The following MUC5B variants were observed in gnomAD, a reference collection of about 807,000 sequenced individuals.
MUC5B encodes mucin-5B.
A neutral mutation model predicts 376.9 loss-of-function variants in MUC5B; 116 were observed. That is an observed-to-expected ratio of 0.31 (90% CI 0.26 to 0.36). The LOEUF is 0.36. Ranked by LOEUF, MUC5B falls within the 10% of genes least tolerant of loss-of-function variation. MUC5B has a pLI of 1.00. For missense variants in MUC5B, 7,165 were observed against 7,769.9 expected, an observed-to-expected ratio of 0.92 and a Z score of 2.93; for synonymous variants, 3,517 against 3,390.9, an observed-to-expected ratio of 1.04 and a Z score of -1.29.
In MUC5B at chr11:1,240,990, G is replaced by A; in HGVS notation, c.4110G>A (p.Gln1370=). Residue 1370 remains glutamine (Q), a synonymous_variant, in exon 31 of 49, where the codon CAG becomes CAA. Transcript: ENST00000529681. ...AAAACCTGAGGCAGAGAGGGTACCAGGTATGCCCTGTGCTGGCTGACATCG... is the reference window on the plus strand; with the variant it reads ...AAAACCTGAGGCAGAGAGGGTACCAAGTATGCCCTGTGCTGGCTGACATCG... The part of the protein sequence containing the change: ...TFENLRQRGY[Q]VCPVLADIEC... 3.1e-6 allele frequency: 5 copies of A among 1,613,392 alleles called. No individual in the cohort carries two copies. Among genetic ancestry groups the A allele is most frequent in the Non-Finnish European group, 3.4e-6 (4 of 1,179,848 alleles).
chr11:1,258,931 A>G lies in MUC5B; in HGVS notation c.16594-11A>G. ...CCAGTGCCCTCAGTGCCACCCTCCC[A>G]CCCCTTGCAGGTTGGTGCAACCTTC... On this transcript the variant is annotated splice_polypyrimidine_tract_variant and intron_variant, in intron 43 of 48. Transcript: ENST00000529681. The surrounding 1 kb of genome is among the most constrained non-coding windows in gnomAD (Gnocchi z 5.5). The G allele has an allele frequency of 6.5e-7, 1 of 1,549,860 alleles. No individual in the cohort carries two copies. The highest frequency in any genetic ancestry group is 8.7e-7 in the Non-Finnish European group (1 of 1,146,986).
Position 1,232,636 on chromosome 11 carries a change from C to T in MUC5B, c.1939-8C>T, listed in dbSNP as rs749902027. The T allele has an allele frequency of 6.2e-7, 1 of 1,600,800 alleles. No individual in the cohort carries two copies. Among genetic ancestry groups the T allele is most frequent in the Non-Finnish European group, 8.5e-7 (1 of 1,174,554 alleles). The stretch of plus-strand genomic sequence containing the variant: ...TCCCTGACGCCCCGATGCCTCCCAC[C>T]TCCGCAGAACTGCATGTTTGACACC... On this transcript the variant is annotated splice_polypyrimidine_tract_variant and splice_region_variant and intron_variant, in intron 16 of 48. Transcript: ENST00000529681.
Position 1,245,873 on chromosome 11 carries a change from C to T in MUC5B, c.8993C>T (p.Thr2998Ile), listed in dbSNP as rs1862442997. 4.3e-6 allele frequency: 7 copies of T among 1,613,518 alleles called. No individual in the cohort carries two copies. Among genetic ancestry groups the T allele is most frequent in the Non-Finnish European group, 5.9e-6 (7 of 1,179,810 alleles). Reference sequence around the variant, plus strand: ...ACCTGGATCCTCACAGAGCAGACCACAGCAGCCACTACGACCGCAACCACT... The same window carrying T: ...ACCTGGATCCTCACAGAGCAGACCATAGCAGCCACTACGACCGCAACCACT... ...GTTWILTEQT[T>I]AATTTATTGS... The change falls in exon 31 of 49, where the codon ACA (threonine) becomes ATA (isoleucine). Residue 2998 changes from threonine to isoleucine, a missense_variant. Thr to Ile is a moderately conservative substitution (Grantham distance 89). Transcript: ENST00000529681.
chr11:1,245,938 C>T lies in MUC5B; in HGVS notation c.9058C>T (p.Pro3020Ser), dbSNP rs769828162. The change falls in exon 31 of 49, where the codon CCC becomes TCC. Residue 3020 changes from proline to serine, a missense_variant. This residue lies in a region of MUC5B where 939 missense variants were observed against 770.6 expected (regional missense o/e 1.22). Coordinates refer to ENST00000529681, the MANE Select transcript of MUC5B (RefSeq NM_002458.3). ...CCCGTCCTCCACCCCGGGAACAGCT[C>T]CCCCTCCCAAAGTGCTGACCAGCAC... ...AIPSSTPGTA[P>S]PPKVLTSTAT... The T allele has an allele frequency of 3.0e-5, 48 of 1,610,910 alleles. 1 individual carries two copies. In the Middle Eastern group the frequency reaches 1.7e-3, roughly 55 times the overall value.
chr11:1,236,307 G>T, intron 23 of MUC5B, 79 bp from the exon 24 acceptor site: 1 of 1,439,934 alleles, frequency 6.9e-7, no homozygotes, highest in East Asian at 2.3e-5. Context: ...GCAGAGCACT[G>T]GGTGGGGCAT....
Position 1,244,368 on chromosome 11 carries a change from G to A in MUC5B, c.7488G>A (p.Val2496=). 1.3e-6 allele frequency: 2 copies of A among 1,596,290 alleles called. No individual in the cohort carries two copies. Among genetic ancestry groups the A allele is most frequent in the South Asian group, 2.2e-5 (2 of 90,480 alleles). ...STQATAGTPH[V]STTATTPTVT... is the part of the protein sequence containing the mutation. ...AGGCAACTGCTGGCACCCCACATGT[G>A]AGCACCACGGCCACGACACCCACAG... Residue 2496 remains valine (V), a synonymous_variant, in exon 31 of 49, where the codon GTG becomes GTA. Transcript: ENST00000529681.
Position 1,223,097 on chromosome 11 carries a change from G to A in MUC5B, c.-27G>A, listed in dbSNP as rs372604533. 7.2e-5 allele frequency: 38 copies of A among 524,236 alleles called. No individual in the cohort carries two copies. The highest frequency in any genetic ancestry group is 3.7e-4 in the Admixed American group (16 of 42,708). The allele number at this position is 524,236 out of a possible 1,614,324, so 32.5% of individuals were successfully genotyped here. On this transcript the variant is annotated 5_prime_UTR_variant, in exon 1 of 49. Transcript: ENST00000529681. Reference sequence around the variant, plus strand: ...CCCGGCTCCCTCCCTGCCCGTCCCCGTCCCCCCACCCGTGCCAGCCCCCAG... The same window carrying A: ...CCCGGCTCCCTCCCTGCCCGTCCCCATCCCCCCACCCGTGCCAGCCCCCAG...
In MUC5B at chr11:1,251,669, G is replaced by A. The variant is rs1192845660; in HGVS notation, c.14789G>A (p.Arg4930Lys). The change falls in exon 31 of 49, where the codon AGA becomes AAA. Residue 4930 changes from arginine to lysine, a missense_variant. Physicochemically the swap from Arg to Lys is conservative, Grantham distance 26. Around this residue, in one of 31 missense-constraint regions of MUC5B, gnomAD observed 730 missense variants for 592.7 expected, o/e 1.23. Coordinates refer to ENST00000529681, the MANE Select transcript of MUC5B (RefSeq NM_002458.3). ...TVSSSVLTTL[R>K]PTGFPSSHFS... Reference sequence around the variant, plus strand: ...TCCTCCTCAGTCCTCACCACCCTGAGACCCACTGGCTTCCCCAGCTCCCAC... The same window carrying A: ...TCCTCCTCAGTCCTCACCACCCTGAAACCCACTGGCTTCCCCAGCTCCCAC... The A allele has an allele frequency of 1.2e-6, 2 of 1,612,958 alleles. No individual in the cohort carries two copies. Among genetic ancestry groups the A allele is most frequent in the African/African-American group, 2.7e-5 (2 of 74,932 alleles).
Position 1,253,044 on chromosome 11 carries a change from A to G in MUC5B, c.15217+64A>G, listed in dbSNP as rs1317380795. On this transcript the variant is annotated intron_variant, in intron 33 of 48. Coordinates refer to ENST00000529681, the MANE Select transcript of MUC5B (RefSeq NM_002458.3). The surrounding 1 kb of genome is among the most constrained non-coding windows in gnomAD (Gnocchi z 4.3). ...GGTGGAGCAGAGTGCACCGTCGGCT[A>G]GGCTGGCAGAATGGGGCATGGTGGG... The G allele has an allele frequency of 8.8e-6, 12 of 1,368,518 alleles. No individual in the cohort carries two copies. The highest frequency in any genetic ancestry group is 1.2e-5 in the Non-Finnish European group (12 of 1,029,802). 84.8% of individuals were successfully genotyped at this position (1,368,518 alleles called of 1,614,324 possible). A position where few individuals can be genotyped will look rare whatever the true frequency, so the allele number is the denominator to read the frequency against.
rs1200814717 is a variant in MUC5B, at chr11:1,251,428, G to A, written c.14548G>A (p.Glu4850Lys). ...STPGTTWILT[E>K]PSTIATVMVP... ...CCCAGGGACCACCTGGATCCTCACA[G>A]AGCCGAGCACTATAGCCACCGTGAT... Residue 4850 changes from glutamate (E) to lysine (K), a missense_variant, in exon 31 of 49, where the codon GAG (glutamate) becomes AAG (lysine). By Grantham distance (56) the Glu-to-Lys change is moderately conservative. This residue lies in a region of MUC5B where 730 missense variants were observed against 592.7 expected (regional missense o/e 1.23). Transcript: ENST00000529681. 5.0e-6 allele frequency: 8 copies of A among 1,612,694 alleles called. No homozygotes were observed. The highest frequency in any genetic ancestry group is 1.7e-5 in the Admixed American group (1 of 59,996).
At chr11:1,261,326 A>G in intron 48 of MUC5B, 63 bp from the exon 49 acceptor site, 1 of 1,449,764 alleles carries the variant, frequency 6.9e-7, no homozygotes, top group South Asian at 1.2e-5. Flanking sequence ...ATGTGTCACC[A>G]TGGCTGGGCA....
In MUC5B at chr11:1,226,268, G is replaced by A; in HGVS notation, c.191G>A (p.Ser64Asn). 1 of 1,555,410 alleles carries A rather than the reference G, an allele frequency of 6.4e-7. No individual in the cohort carries two copies. Among genetic ancestry groups the A allele is most frequent in the Non-Finnish European group, 8.7e-7 (1 of 1,150,940 alleles). Residue 64 changes from serine (S) to asparagine (N), a missense_variant, in exon 3 of 49, where the codon AGC becomes AAC. Transcript: ENST00000529681. ...GTTCCACCCGTCACTGTCTTCCCCA[G>A]CCTGAGCCGTAAGCAGATGCTGCCC... ...SFVPPVTVFP[S>N]LSPLNPAHNG...
intron 1 of MUC5B, chr11:1,223,482 G>A: frequency 1.9e-6 from 1 of 521,480 alleles, no homozygotes; most frequent in Non-Finnish European, 3.5e-6. Flanking sequence ...TTGGTCTTGG[G>A]GGTGGGACAG....
Position 1,241,941 on chromosome 11 carries a change from G to T in MUC5B, c.5061G>T (p.Gly1687=). The T allele has an allele frequency of 1.2e-6, 2 of 1,607,278 alleles. No individual in the cohort carries two copies. Among genetic ancestry groups the T allele is most frequent in the African/African-American group, 1.3e-5 (1 of 74,814 alleles). The change falls in exon 31 of 49, where the codon GGG becomes GGT. Residue 1687 remains glycine (G), a synonymous_variant. Coordinates refer to ENST00000529681, the MANE Select transcript of MUC5B (RefSeq NM_002458.3). ...GCTCCACAGAACCCACTGTCCCAGG[G>T]GTGGCCACATCCACCCTTCCAACAC... The part of the protein sequence containing the change: ...PAGSTEPTVP[G]VATSTLPTRS...
rs551355085 is a variant in MUC5B, at chr11:1,244,767, G to A, written c.7887G>A (p.Thr2629=). Residue 2629 remains threonine, a synonymous_variant, in exon 31 of 49, where the codon ACG becomes ACA. Coordinates refer to ENST00000529681, the MANE Select transcript of MUC5B (RefSeq NM_002458.3). ...TPSSSPGTAR[T]LPVWISTTTT... is the part of the protein sequence containing the mutation. ...CCTCCAGCCCAGGGACGGCACGCACGCTTCCAGTGTGGATCAGCACAACCA... is the reference window on the plus strand; with the variant it reads ...CCTCCAGCCCAGGGACGGCACGCACACTTCCAGTGTGGATCAGCACAACCA... 1.5e-5 allele frequency: 24 copies of A among 1,610,180 alleles called. No individual in the cohort carries two copies. The highest frequency in any genetic ancestry group is 5.0e-5 in the Admixed American group (3 of 59,722).
At position 1,251,139 on chromosome 11, in the gene MUC5B, C is replaced by A. The variant is rs1447350064; in HGVS notation, c.14259C>A (p.Ile4753=). 2 of 1,611,290 alleles carry A rather than the reference C, an allele frequency of 1.2e-6. No homozygotes were observed. The highest frequency in any genetic ancestry group is 1.1e-5 in the South Asian group (1 of 91,038). Residue 4753 remains isoleucine (I), a synonymous_variant, in exon 31 of 49, where the codon ATC becomes ATA. Coordinates refer to ENST00000529681, the MANE Select transcript of MUC5B (RefSeq NM_002458.3). ...TKSTATSFTP[I]PSSTLWTTWT... ...CCACAGCTACCAGCTTTACACCCAT[C>A]CCCTCCTCCACCCTGTGGACCACGT...
At chr11:1,223,748 G>A (rs957738564) in intron 1 of MUC5B, among the ~76,000 whole-genome samples, 3 of 152,224 alleles carry the variant, frequency 2.0e-5, no homozygotes, top group South Asian at 2.1e-4. Flanking sequence ...ATCTCATGCC[G>A]CACGGGCTGC....
chr11:1,235,008 A>G, intron 21 of MUC5B, 77 bp from the exon 22 acceptor site: 1 of 1,522,416 alleles, frequency 6.6e-7, no homozygotes, highest in East Asian at 2.3e-5. Flanking sequence ...GCTGACCTGC[A>G]CAGGCCTGGG....
rs755951023 is a variant in MUC5B, at chr11:1,258,479, G to A, written c.16593+112G>A. ...TCTTGACATTCCTGCCCTGAGGGCCGATCCGCACAGGGGCCCTGGACACGT... is the reference window on the plus strand; with the variant it reads ...TCTTGACATTCCTGCCCTGAGGGCCAATCCGCACAGGGGCCCTGGACACGT... On this transcript the variant is annotated intron_variant, in intron 43 of 48. Coordinates refer to ENST00000529681, the MANE Select transcript of MUC5B (RefSeq NM_002458.3). This position sits in a 1 kb window ranked among gnomAD's most constrained non-coding sequence, Gnocchi z 5.5. 6.6e-5 allele frequency: 84 copies of A among 1,275,624 alleles called. No individual in the cohort carries two copies. Among genetic ancestry groups the A allele is most frequent in the Middle Eastern group, 4.1e-4 (2 of 4,924 alleles). 79.0% of individuals were successfully genotyped at this position (1,275,624 alleles called of 1,614,324 possible).
Sources: allele counts gnomAD v4.1 joint callset (sites outside exome capture counted in the v4.1 genomes callset), GRCh38; gene constraint gnomAD v4.1.1; regional missense constraint gnomAD v4.1.1; non-coding constraint Gnocchi (gnomAD v3.1); transcripts MANE v1.5; gene names NCBI Gene and HGNC (gene_info 2026-07-23, HGNC 2026-07-21).